Variants in HCN1 observed in about 807,000 individuals in gnomAD.
HCN1 encodes hyperpolarization activated cyclic nucleotide gated potassium channel 1.
HCN1 carries 13 observed loss-of-function variants against 78.9 expected under a neutral mutation model. The ratio of observed to expected loss-of-function variants is 0.16; its 90% CI spans 0.11 to 0.26. The LOEUF is 0.26. Among genes scored for constraint, HCN1 ranks in the 10% least tolerant of loss-of-function variants. HCN1 has a pLI of 1.00. For synonymous variants in HCN1, 552 were observed against 455.5 expected (o/e 1.21, Z -2.70); for missense variants, 810 against 1,154.3 (o/e 0.70, Z 4.32).
chr5:45,580,837 C>T (rs903087599), intron 2 of HCN1, among the ~76,000 whole-genome samples: 2 of 152,056 alleles, frequency 1.3e-5, no homozygotes, highest in Non-Finnish European at 2.9e-5. Context: ...TGGCTTCCAG[C>T]TTCATCCATG....
intron 2 of HCN1, among the ~76,000 whole-genome samples, chr5:45,467,958 G>A (rs1214751638): frequency 6.6e-6 from 1 of 151,976 alleles, no homozygotes; most frequent in African/African-American, 2.4e-5. Flanking sequence ...GAGACACAGA[G>A]AGAGCTGGCC....
At chr5:45,377,601 T>A (rs770580116) in intron 4 of HCN1, among the ~76,000 whole-genome samples, 2 of 151,924 alleles carry the variant, frequency 1.3e-5, no homozygotes, top group Non-Finnish European at 2.9e-5. Context: ...AAAAAAGTGA[T>A]GTATTTGAGA....
At chr5:45,503,294 G>C (rs1327659094) in intron 2 of HCN1, among the ~76,000 whole-genome samples, 2 of 151,982 alleles carry the variant, frequency 1.3e-5, no homozygotes, top group Non-Finnish European at 2.9e-5. Context: ...GAAATAAAGG[G>C]GAAAAAGGAA....
intron 2 of HCN1, among the ~76,000 whole-genome samples, chr5:45,494,095 T>C (rs1271295245): frequency 6.6e-6 from 1 of 152,166 alleles, no homozygotes. Context: ...GCATGATTTA[T>C]AGTCCTTTGG....
rs565070792 is a variant in HCN1, at chr5:45,627,272, G to T, written c.849+17913C>A. 2.6e-5 allele frequency among the ~76,000 whole-genome samples: 4 copies of T among 152,224 alleles called. No individual in the cohort carries two copies. In the South Asian group the frequency reaches 8.3e-4, roughly 32 times the overall value. On this transcript the variant is annotated intron_variant, in intron 2 of 7. Transcript: ENST00000303230. ...ATTTATCACACCAAGTCACTAGAAG[G>T]CTTCACATCTGAATAGCAGGAATGT... is the stretch of plus-strand genomic sequence containing the variant.
In HCN1 at chr5:45,654,646, C is replaced by G. The variant is rs1214414510; in HGVS notation, c.426-9038G>C. 2.6e-5 allele frequency among the ~76,000 whole-genome samples: 4 copies of G among 152,210 alleles called. No homozygotes were observed. In the South Asian group the frequency reaches 6.2e-4, roughly 24 times the overall value. On this transcript the variant is annotated intron_variant, in intron 1 of 7. Transcript: ENST00000303230. Reference sequence around the variant, plus strand: ...AAAGAGAATACTGACATTTGGTTATCTTACCGATAAGATAGTCCTATGACA... The same window carrying G: ...AAAGAGAATACTGACATTTGGTTATGTTACCGATAAGATAGTCCTATGACA...
intron 2 of HCN1, among the ~76,000 whole-genome samples, chr5:45,605,316 G>A (rs1744702427): frequency 1.3e-5 from 2 of 151,778 alleles, no homozygotes; most frequent in African/African-American, 4.8e-5. Flanking sequence ...TGTTTTTCTA[G>A]AACTTATTCT....
chr5:45,669,582 A>T (rs1215755636), intron 1 of HCN1, among the ~76,000 whole-genome samples: 1 of 151,880 alleles, frequency 6.6e-6, no homozygotes, highest in Admixed American at 6.6e-5. Flanking sequence ...GAAACTATAC[A>T]TAGAAAGAAG....
At chr5:45,348,166 C>T (rs181284167) in intron 5 of HCN1, among the ~76,000 whole-genome samples, 4,528 of 152,282 alleles carry the variant, frequency 0.03, 93 homozygotes, top group Non-Finnish European at 0.041. Flanking sequence ...CAGCAGATCT[C>T]TCAGCAGAAA....
intron 5 of HCN1, among the ~76,000 whole-genome samples, chr5:45,309,193 G>A (rs1415215027): frequency 6.6e-6 from 1 of 151,974 alleles, no homozygotes; most frequent in African/African-American, 2.4e-5. Flanking sequence ...CAGGAATGCT[G>A]ACACAATTTT....
chr5:45,676,292 G>T (rs1746265244), intron 1 of HCN1, among the ~76,000 whole-genome samples: 2 of 151,640 alleles, frequency 1.3e-5, no homozygotes, highest in Non-Finnish European at 2.9e-5. Context: ...AGTACATAAA[G>T]AATATAGACA....
intron 1 of HCN1, among the ~76,000 whole-genome samples, chr5:45,666,133 T>C (rs989879955): frequency 6.6e-6 from 1 of 152,102 alleles, no homozygotes; most frequent in African/African-American, 2.4e-5. Context: ...AGCCTATGAA[T>C]CTTAGAATGT....
chr5:45,640,250 G>A (rs563779298), intron 2 of HCN1, among the ~76,000 whole-genome samples: 4 of 152,022 alleles, frequency 2.6e-5, no homozygotes, highest in African/African-American at 7.2e-5. Context: ...AGTGAAGAAC[G>A]GATACTCTCT....
rs542211185 is a variant in HCN1, at chr5:45,353,634, A to T, written c.1231-388T>A. 1.3e-3 allele frequency among the ~76,000 whole-genome samples: 205 copies of T among 152,178 alleles called. 2 individuals carry two copies. The highest frequency in any genetic ancestry group is 4.8e-3 in the African/African-American group (199 of 41,554). ...GCTGTCGATTTTTAAGAAAAATCTC[A>T]TACCTATGGATAGTACAATAGGTTT... On this transcript the variant is annotated intron_variant, in intron 4 of 7. Coordinates refer to ENST00000303230, the MANE Select transcript of HCN1 (RefSeq NM_021072.4).
intron 2 of HCN1, among the ~76,000 whole-genome samples, chr5:45,633,191 T>C (rs1408200113): frequency 2.6e-5 from 4 of 152,056 alleles, no homozygotes; most frequent in Middle Eastern, 3.4e-3. Context: ...AAAAAAACCA[T>C]TTAAGGATCT....
chr5:45,352,938 C>T (rs894188861), intron 5 of HCN1, among the ~76,000 whole-genome samples, 162 bp downstream of exon 5: 1 of 151,896 alleles, frequency 6.6e-6, no homozygotes, highest in African/African-American at 2.4e-5. Flanking sequence ...CTTTTTTCAA[C>T]ATTTAAGAGC....
chr5:45,553,020 C>T (rs1201508816), intron 2 of HCN1, among the ~76,000 whole-genome samples: 8 of 151,894 alleles, frequency 5.3e-5, no homozygotes, highest in African/African-American at 1.9e-4. Flanking sequence ...TTACTTCAAA[C>T]TCAGAGCACC....
intron 2 of HCN1, among the ~76,000 whole-genome samples, chr5:45,587,481 C>T (rs1368960395): frequency 6.8e-6 from 1 of 147,632 alleles, no homozygotes; most frequent in Non-Finnish European, 1.5e-5. Context: ...TTCTCACTCA[C>T]AGGTGGGAAT....
chr5:45,421,850 T>G (rs1740235337), intron 3 of HCN1, among the ~76,000 whole-genome samples: 1 of 152,200 alleles, frequency 6.6e-6, no homozygotes, highest in Non-Finnish European at 1.5e-5. Context: ...ATGTAGCATT[T>G]CCTTGGTGCT....
Sources: allele counts gnomAD v4.1 joint callset (sites outside exome capture counted in the v4.1 genomes callset), GRCh38; gene constraint gnomAD v4.1.1; transcripts MANE v1.5; gene names NCBI Gene and HGNC (gene_info 2026-07-23, HGNC 2026-07-21).